The following LINGO2 variants were observed in gnomAD, a reference collection of about 807,000 sequenced individuals.
LINGO2 encodes the protein leucine rich repeat and Ig domain containing 2, also known as leucine-rich repeat and immunoglobulin-like domain-containing nogo receptor-interacting protein 2.
A neutral mutation model predicts 30.6 loss-of-function variants in LINGO2; 14 were observed. The ratio of observed to expected loss-of-function variants is 0.46; its 90% CI spans 0.30 to 0.72. The LOEUF is 0.72. LINGO2 is among the 30% of genes least tolerant of loss of function. LINGO2 has a pLI of 0.07. For synonymous variants in LINGO2, 317 were observed against 288.5 expected (o/e 1.10, Z -1.00); for missense variants, 729 against 751.7 (o/e 0.97, Z 0.35).
At chr9:29,145,066 C>G in the LINGO2 span, among the ~76,000 whole-genome samples, 1 of 152,008 alleles carries the variant, frequency 6.6e-6, no homozygotes, top group African/African-American at 2.4e-5. Flanking sequence ...GTCAGAATAG[C>G]TTGTTTAGTT....
the LINGO2 span, among the ~76,000 whole-genome samples, chr9:28,882,823 T>C: frequency 6.6e-6 from 1 of 152,184 alleles, no homozygotes; most frequent in African/African-American, 2.4e-5. Context: ...TTTCATTCCC[T>C]AAATGTCTCT....
intron 3 of LINGO2, among the ~76,000 whole-genome samples, chr9:28,365,392 T>C (rs1183660679): frequency 1.3e-5 from 2 of 152,086 alleles, no homozygotes; most frequent in Admixed American, 6.5e-5. Flanking sequence ...AATAGAAATA[T>C]GACTAAGAGC....
At chr9:28,365,785 C>CCT (rs1033104068) in intron 3 of LINGO2, among the ~76,000 whole-genome samples, 1 of 108,534 alleles carries the variant, frequency 9.2e-6, no homozygotes, top group African/African-American at 3.5e-5. Context: ...TTTTTTTTTT[C>CCT]CTCTCTCTCT....
the LINGO2 span, among the ~76,000 whole-genome samples, chr9:29,022,985 A>G: frequency 6.6e-6 from 1 of 151,974 alleles, no homozygotes; most frequent in African/African-American, 2.4e-5. Flanking sequence ...GCCAAAAAAA[A>G]AAAAAAGAGA....
Position 28,020,149 on chromosome 9 carries a change from G to A in LINGO2, c.-86-7744C>T, listed in dbSNP as rs185881699. Among the ~76,000 whole-genome samples the A allele has an allele frequency of 3.9e-5, 6 of 152,254 alleles. No individual in the cohort carries two copies. The East Asian group carries it at 9.7e-4, about 25-fold the overall frequency. On this transcript the variant is annotated intron_variant, in intron 4 of 5. Coordinates refer to ENST00000379992, the Ensembl canonical transcript of LINGO2. ...TCTCTGCGTTAACATTTAGCACACA[G>A]CATGCAATCCCTCTCTAAGTGGGAA...
chr9:28,123,154 G>A (rs976863399), intron 4 of LINGO2, among the ~76,000 whole-genome samples: 1 of 152,146 alleles, frequency 6.6e-6, no homozygotes, highest in Non-Finnish European at 1.5e-5. Context: ...ACGGTGAATG[G>A]AGAAAAGGGG....
At chr9:27,955,461 T>G (rs1451665245) in intron 5 of LINGO2, among the ~76,000 whole-genome samples, 2 of 152,222 alleles carry the variant, frequency 1.3e-5, no homozygotes, top group East Asian at 3.8e-4. Context: ...CTCTTTTCCG[T>G]CTATCCCAAC....
the LINGO2 span, among the ~76,000 whole-genome samples, chr9:29,152,802 A>T: frequency 6.6e-6 from 1 of 152,166 alleles, no homozygotes; most frequent in Non-Finnish European, 1.5e-5. Flanking sequence ...TAAAAGTTGA[A>T]CATATTTAAA....
At chr9:29,146,506 T>G in the LINGO2 span, among the ~76,000 whole-genome samples, 1 of 152,192 alleles carries the variant, frequency 6.6e-6, no homozygotes, top group Non-Finnish European at 1.5e-5. Context: ...TCATTAAGTG[T>G]TGCTGCAAGA....
At chr9:28,659,206 G>C (rs1055558096) in intron 1 of LINGO2, among the ~76,000 whole-genome samples, 5 of 151,978 alleles carry the variant, frequency 3.3e-5, no homozygotes, top group Admixed American at 1.3e-4. Context: ...ACTGAAAAAT[G>C]AATAGAGGTA....
At chr9:28,412,161 A>C (rs1822789721) in intron 2 of LINGO2, among the ~76,000 whole-genome samples, 1 of 146,864 alleles carries the variant, frequency 6.8e-6, no homozygotes, top group Non-Finnish European at 1.5e-5. Flanking sequence ...TTGCATACTC[A>C]TAGCTTAGCT....
At chr9:28,657,109 T>C (rs989600745) in intron 1 of LINGO2, among the ~76,000 whole-genome samples, 3 of 150,052 alleles carry the variant, frequency 2.0e-5, no homozygotes, top group Non-Finnish European at 4.5e-5. Flanking sequence ...CTCCAGATTC[T>C]TGACCCACCA....
chr9:28,554,225 C>A (rs979013904), intron 1 of LINGO2, among the ~76,000 whole-genome samples: 2 of 151,404 alleles, frequency 1.3e-5, no homozygotes, highest in Non-Finnish European at 2.9e-5. Flanking sequence ...AGAGTCAAGA[C>A]CCATCAGTGT....
At chr9:28,573,853 T>C (rs1823824578) in intron 1 of LINGO2, among the ~76,000 whole-genome samples, 1 of 152,144 alleles carries the variant, frequency 6.6e-6, no homozygotes, top group Admixed American at 6.6e-5. Context: ...CATATTTTGA[T>C]GTTAAAATAT....
chr9:28,692,574 C>T, the LINGO2 span, among the ~76,000 whole-genome samples: 1 of 152,238 alleles, frequency 6.6e-6, no homozygotes, highest in Non-Finnish European at 1.5e-5. Context: ...CTATCCAAAC[C>T]TATATGTTGT....
At chr9:28,976,181 T>C in the LINGO2 span, among the ~76,000 whole-genome samples, 1 of 152,268 alleles carries the variant, frequency 6.6e-6, no homozygotes, top group African/African-American at 2.4e-5. Context: ...TTATTAAAGG[T>C]CAGGGGGCTG....
chr9:28,886,254 A>G, the LINGO2 span, among the ~76,000 whole-genome samples: 4 of 152,164 alleles, frequency 2.6e-5, no homozygotes, highest in African/African-American at 9.7e-5. Flanking sequence ...GATATATTTG[A>G]AAGACATTAT....
the LINGO2 span, among the ~76,000 whole-genome samples, chr9:29,082,346 A>G: frequency 6.6e-6 from 1 of 152,220 alleles, no homozygotes; most frequent in Admixed American, 6.5e-5. Context: ...TTCCTATTTA[A>G]TAAATGGTGC....
At chr9:28,189,561 GAGGAAGGA>G (rs1564029080) in intron 4 of LINGO2, among the ~76,000 whole-genome samples, 1 of 19,450 alleles carries the variant, frequency 5.1e-5, no homozygotes, top group Admixed American at 6.1e-4. Context: ...GGAAGGAAGG[GAGGAAGGA>G]AGGAAGGAAG....
Sources: allele counts gnomAD v4.1 joint callset (sites outside exome capture counted in the v4.1 genomes callset), GRCh38; gene constraint gnomAD v4.1.1; transcripts MANE v1.5; gene names NCBI Gene and HGNC (gene_info 2026-07-23, HGNC 2026-07-21).